The following RANBP2 variants were observed in gnomAD, a reference collection of about 807,000 sequenced individuals.
RANBP2 encodes the protein RAN binding protein 2.
Under a neutral mutation model 303.6 loss-of-function variants are expected in RANBP2, and 57 were observed. The observed-to-expected ratio is 0.19, with a 90% CI of 0.15 to 0.23. The LOEUF (loss-of-function observed/expected upper bound fraction) is 0.23, where lower values mean the gene tolerates loss of function less well. Among genes scored for constraint, RANBP2 ranks in the 10% least tolerant of loss-of-function variants. The pLI, the probability that RANBP2 is intolerant of heterozygous loss-of-function variation, is 1.00. For missense variants in RANBP2, 3,138 were observed against 3,780.8 expected, an observed-to-expected ratio of 0.83 and a Z score of 4.46; for synonymous variants, 1,167 against 1,301.5, an observed-to-expected ratio of 0.90 and a Z score of 2.23.
At chr2:109,106,602 T>C in the RANBP2 span, among the ~76,000 whole-genome samples, 1 of 152,026 alleles carries the variant, frequency 6.6e-6, no homozygotes, top group Non-Finnish European at 1.5e-5. Flanking sequence ...TTTGGGAGGC[T>C]AAGATGGGTG....
chr2:109,213,273 C>T, the RANBP2 span, among the ~76,000 whole-genome samples: 1 of 152,228 alleles, frequency 6.6e-6, no homozygotes, highest in Admixed American at 6.5e-5. Context: ...CTTCCTCCCT[C>T]TTTGCCCTTC....
chr2:109,624,664 T>C, the RANBP2 span, among the ~76,000 whole-genome samples: 3 of 152,208 alleles, frequency 2.0e-5, no homozygotes, highest in Non-Finnish European at 4.4e-5. Flanking sequence ...TGGTGAGTAA[T>C]GTGGAAAAAC....
chr2:108,752,038 T>TG, intron 12 of RANBP2, 44 bp downstream of exon 12: 1 of 1,606,696 alleles, frequency 6.2e-7, no homozygotes, highest in East Asian at 2.2e-5. Flanking sequence ...ATTACCTTAA[T>TG]TTTTTAAAAT....
the RANBP2 span, chr2:109,585,669 G>T: frequency 1.8e-4 from 211 of 1,202,772 alleles, 3 homozygotes; most frequent in Admixed American, 3.4e-3. Context: ...AGAATGAAGT[G>T]AGCACAAGGA....
chr2:109,612,527 C>T, the RANBP2 span, among the ~76,000 whole-genome samples: 2 of 152,114 alleles, frequency 1.3e-5, no homozygotes, highest in African/African-American at 2.4e-5. Context: ...CTACAATTAA[C>T]GCAAAATACA....
the RANBP2 span, among the ~76,000 whole-genome samples, chr2:109,514,497 C>T: frequency 4.6e-5 from 7 of 152,176 alleles, no homozygotes; most frequent in Non-Finnish European, 8.8e-5. Context: ...GTGTGGGGCA[C>T]TTGGCTGTGT....
At chr2:109,036,656 G>T in the RANBP2 span, among the ~76,000 whole-genome samples, 1 of 152,266 alleles carries the variant, frequency 6.6e-6, no homozygotes, top group African/African-American at 2.4e-5. Flanking sequence ...AAAAGTCTCA[G>T]CAGACTAGGA....
the RANBP2 span, among the ~76,000 whole-genome samples, chr2:109,596,534 G>A: frequency 1.3e-5 from 2 of 151,722 alleles, no homozygotes; most frequent in Admixed American, 6.6e-5. Context: ...GGAGAATGGC[G>A]TGAACCCAGG....
chr2:108,851,714 A>G, the RANBP2 span, among the ~76,000 whole-genome samples: 3 of 152,178 alleles, frequency 2.0e-5, no homozygotes, highest in Non-Finnish European at 4.4e-5. Context: ...AAAGTCCAGG[A>G]AAGATTAGAG....
chr2:109,354,228 C>T, the RANBP2 span, among the ~76,000 whole-genome samples: 6 of 152,200 alleles, frequency 3.9e-5, no homozygotes, highest in Non-Finnish European at 8.8e-5. Flanking sequence ...ACCTGTGTGC[C>T]GCCAACGGAT....
chr2:109,708,156 G>C, the RANBP2 span, among the ~76,000 whole-genome samples: 1 of 152,178 alleles, frequency 6.6e-6, no homozygotes, highest in Non-Finnish European at 1.5e-5. Context: ...CTAGGAGTTC[G>C]AGACCAACCT....
At chr2:109,578,097 G>A in the RANBP2 span, among the ~76,000 whole-genome samples, 1 of 151,956 alleles carries the variant, frequency 6.6e-6, no homozygotes, top group African/African-American at 2.4e-5. Context: ...ACCACTATAA[G>A]CATAGAAATC....
intron 1 of RANBP2, among the ~76,000 whole-genome samples, chr2:108,723,198 A>C (rs1296199501): frequency 6.6e-6 from 1 of 151,958 alleles, no homozygotes; most frequent in Non-Finnish European, 1.5e-5. Flanking sequence ...TGCCCTTTAC[A>C]GCTATACTTC....
At chr2:109,193,928 G>T in the RANBP2 span, among the ~76,000 whole-genome samples, 1 of 152,206 alleles carries the variant, frequency 6.6e-6, no homozygotes, top group African/African-American at 2.4e-5. Context: ...CTCCTGGCAG[G>T]GAAAAAGTGA....
the RANBP2 span, among the ~76,000 whole-genome samples, chr2:109,194,996 G>T: frequency 6.6e-6 from 1 of 152,168 alleles, no homozygotes; most frequent in Non-Finnish European, 1.5e-5. Context: ...TGGATTTTGA[G>T]AACACACAGC....
At chr2:109,274,113 G>A in the RANBP2 span, among the ~76,000 whole-genome samples, 1 of 152,124 alleles carries the variant, frequency 6.6e-6, no homozygotes, top group African/African-American at 2.4e-5. Context: ...AATCATTTGT[G>A]GTAGTATGTC....
At chr2:109,414,534 T>C in the RANBP2 span, among the ~76,000 whole-genome samples, 1 of 152,174 alleles carries the variant, frequency 6.6e-6, no homozygotes, top group African/African-American at 2.4e-5. Flanking sequence ...GACGCCATCT[T>C]GGCTACGGTC....
the RANBP2 span, among the ~76,000 whole-genome samples, chr2:109,433,454 C>T: frequency 1.3e-5 from 2 of 152,208 alleles, no homozygotes; most frequent in South Asian, 2.1e-4. Flanking sequence ...AGATGAGGAT[C>T]CACAGCTTGG....
chr2:109,281,389 T>C, the RANBP2 span, among the ~76,000 whole-genome samples: 1 of 152,208 alleles, frequency 6.6e-6, no homozygotes, highest in Non-Finnish European at 1.5e-5. Context: ...AGGGAAGGAC[T>C]AGCTCTGCCG....
Sources: gnomAD v4.1 joint callset for allele counts (sites outside exome capture counted in the v4.1 genomes callset) on GRCh38, gnomAD v4.1.1 for gene constraint, MANE v1.5 for transcripts, NCBI Gene and HGNC (gene_info 2026-07-23, HGNC 2026-07-21) for gene names.